The following ERBB4 variants were observed in gnomAD, a reference collection of about 807,000 sequenced individuals.
The protein encoded by ERBB4 is erb-b2 receptor tyrosine kinase 4, also known as receptor tyrosine-protein kinase erbB-4.
A neutral mutation model predicts 158.0 loss-of-function variants in ERBB4; 42 were observed. The ratio of observed to expected loss-of-function variants is 0.27; its 90% CI spans 0.21 to 0.34. The LOEUF (loss-of-function observed/expected upper bound fraction) is 0.34, where lower values mean the gene tolerates loss of function less well. Ranked by LOEUF, ERBB4 falls within the 10% of genes least tolerant of loss-of-function variation. The probability of loss-of-function intolerance (pLI) is 1.00; values close to 1 mark genes in which losing one functional copy is unlikely to be tolerated. For synonymous variants in ERBB4, 583 were observed against 558.7 expected (o/e 1.04, Z -0.61); for missense variants, 1,333 against 1,624.1 (o/e 0.82, Z 3.08).
intron 20 of ERBB4, among the ~76,000 whole-genome samples, chr2:211,554,610 A>C (rs2067189365): frequency 6.6e-6 from 1 of 152,210 alleles, no homozygotes; most frequent in African/African-American, 2.4e-5. Context: ...GTTGTCACAC[A>C]GTTCATATGC....
chr2:211,718,314 C>T (rs574194906), intron 7 of ERBB4, among the ~76,000 whole-genome samples: 1 of 152,302 alleles, frequency 6.6e-6, no homozygotes, highest in African/African-American at 2.4e-5. Flanking sequence ...AAGCCACGAT[C>T]CATAGCCACT....
intron 1 of ERBB4, among the ~76,000 whole-genome samples, chr2:212,212,719 C>A (rs1483898101): frequency 3.9e-5 from 6 of 151,926 alleles, no homozygotes; most frequent in Admixed American, 3.9e-4. Flanking sequence ...ACAAAACAGA[C>A]ATGTAGACCA....
At chr2:211,415,734 T>TCAA (rs1191681049) in intron 25 of ERBB4, among the ~76,000 whole-genome samples, 2 of 152,166 alleles carry the variant, frequency 1.3e-5, no homozygotes, top group Non-Finnish European at 2.9e-5. Context: ...GTCAAGATAC[T>TCAA]CAACTTACAT....
intron 6 of ERBB4, among the ~76,000 whole-genome samples, chr2:211,722,927 G>T (rs1220295173): frequency 1.3e-5 from 2 of 152,198 alleles, no homozygotes; most frequent in Non-Finnish European, 2.9e-5. Context: ...ATTTTAAAGA[G>T]TTCCATATCC....
intron 3 of ERBB4, among the ~76,000 whole-genome samples, chr2:211,800,622 CTTTTAAGGGAT>C (rs2076477745): frequency 6.9e-6 from 1 of 144,238 alleles, no homozygotes; most frequent in African/African-American, 2.6e-5. Flanking sequence ...TAAAATTATG[CTTTTAAGGGAT>C]CTTTTCTACA....
chr2:212,199,921 A>G (rs2082543655), intron 1 of ERBB4, among the ~76,000 whole-genome samples: 2 of 152,220 alleles, frequency 1.3e-5, no homozygotes, highest in African/African-American at 4.8e-5. Context: ...TTAGTGGACA[A>G]CAAGCACATA....
chr2:211,600,572 T>C (rs2068768948), intron 19 of ERBB4, among the ~76,000 whole-genome samples: 1 of 152,150 alleles, frequency 6.6e-6, no homozygotes, highest in Non-Finnish European at 1.5e-5. Context: ...TTAAAATCCT[T>C]ATAAATTGCT....
chr2:212,144,513 A>G (rs1269709489), intron 1 of ERBB4, among the ~76,000 whole-genome samples: 1 of 152,198 alleles, frequency 6.6e-6, no homozygotes, highest in African/African-American at 2.4e-5. Flanking sequence ...GTATTTGACA[A>G]AATTAATATC....
At position 211,380,959 on chromosome 2, in the gene ERBB4, C is replaced by G. The variant is rs1197373255; in HGVS notation, c.*2656G>C. ...ATATTGTAAATCAGAAAAAAAAAATCAAGGTATAGTATCCAAAAAGAGGGC... is the reference window on the plus strand; with the variant it reads ...ATATTGTAAATCAGAAAAAAAAAATGAAGGTATAGTATCCAAAAAGAGGGC... On this transcript the variant is annotated 3_prime_UTR_variant, in exon 28 of 28. Transcript: ENST00000342788. 3 of 231,706 alleles carry G rather than the reference C, an allele frequency of 1.3e-5. No homozygotes were observed. Among genetic ancestry groups the G allele is most frequent in the Admixed American group, 5.7e-5 (1 of 17,688 alleles). The allele number at this position is 231,706 out of a possible 1,614,324, so 14.4% of individuals were successfully genotyped here.
chr2:211,776,869 T>C (rs2075889605), intron 4 of ERBB4, among the ~76,000 whole-genome samples: 2 of 152,166 alleles, frequency 1.3e-5, no homozygotes, highest in Admixed American at 6.6e-5. Flanking sequence ...ACTCTATTTA[T>C]TATACAGAAT....
intron 20 of ERBB4, among the ~76,000 whole-genome samples, chr2:211,538,811 T>C (rs2066722552): frequency 6.6e-6 from 1 of 151,898 alleles, no homozygotes; most frequent in African/African-American, 2.4e-5. Context: ...TCCCCATGTA[T>C]GTAATGTGAA....
intron 20 of ERBB4, among the ~76,000 whole-genome samples, chr2:211,526,260 C>A (rs1198795238): frequency 6.6e-6 from 1 of 152,052 alleles, no homozygotes; most frequent in African/African-American, 2.4e-5. Flanking sequence ...GGGAGAGACT[C>A]CATTTTCTTG....
At chr2:211,838,643 A>C (rs1003641134) in intron 3 of ERBB4, among the ~76,000 whole-genome samples, 1 of 152,158 alleles carries the variant, frequency 6.6e-6, no homozygotes, top group African/African-American at 2.4e-5. Flanking sequence ...CAAAAATGTC[A>C]GTGTAAAATT....
At chr2:211,760,207 T>C (rs770447772) in intron 4 of ERBB4, among the ~76,000 whole-genome samples, 25 of 152,150 alleles carry the variant, frequency 1.6e-4, no homozygotes, top group Non-Finnish European at 3.1e-4. Context: ...GGATCTGAAA[T>C]AGATGAGGGG....
chr2:211,663,398 G>T (rs926300062), intron 15 of ERBB4, among the ~76,000 whole-genome samples: 3 of 152,158 alleles, frequency 2.0e-5, no homozygotes, highest in Non-Finnish European at 4.4e-5. Context: ...TTCAAATTCT[G>T]TCTCAACTTA....
intron 2 of ERBB4, among the ~76,000 whole-genome samples, chr2:211,997,197 AG>A (rs1329874222): frequency 1.3e-5 from 2 of 152,176 alleles, no homozygotes; most frequent in Non-Finnish European, 2.9e-5. Flanking sequence ...TCTATCAAAA[AG>A]ATAATAGTCT....
chr2:211,671,672 A>G (rs2071845085), intron 14 of ERBB4, among the ~76,000 whole-genome samples: 1 of 152,118 alleles, frequency 6.6e-6, no homozygotes, highest in Non-Finnish European at 1.5e-5. Context: ...GATTATTTTA[A>G]TTATACATTT....
intron 2 of ERBB4, among the ~76,000 whole-genome samples, chr2:212,063,500 T>C (rs1244088742): frequency 6.6e-6 from 1 of 152,062 alleles, no homozygotes; most frequent in Non-Finnish European, 1.5e-5. Context: ...GATGTTAAAA[T>C]GTAGTGCCTA....
chr2:211,715,235 G>C (rs2073854003), intron 7 of ERBB4, among the ~76,000 whole-genome samples: 1 of 152,166 alleles, frequency 6.6e-6, no homozygotes. Flanking sequence ...CTGGTGCAAA[G>C]AATCCATGGG....
Sources: allele counts gnomAD v4.1 joint callset (sites outside exome capture counted in the v4.1 genomes callset), GRCh38; gene constraint gnomAD v4.1.1; transcripts MANE v1.5; gene names NCBI Gene and HGNC (gene_info 2026-07-23, HGNC 2026-07-21).